ZC3H12A: variants seen among roughly 807,000 people sequenced by gnomAD.
ZC3H12A encodes the protein endoribonuclease ZC3H12A.
A neutral mutation model predicts 29.9 loss-of-function variants in ZC3H12A; 9 were observed. That is an observed-to-expected ratio of 0.30 (90% CI 0.18 to 0.53). ZC3H12A has a LOEUF of 0.53. Ranked by LOEUF, ZC3H12A falls within the 20% of genes least tolerant of loss-of-function variation. The pLI is 0.96. For missense variants in ZC3H12A, 617 were observed against 799.0 expected (o/e 0.77, Z 2.75); for synonymous variants, 323 against 338.1 (o/e 0.96, Z 0.49).
In ZC3H12A at chr1:37,479,798, C is replaced by T; in HGVS notation, c.444-492C>T. On this transcript the variant is annotated intron_variant, in intron 2 of 5. Coordinates refer to ENST00000373087, the MANE Select transcript of ZC3H12A (RefSeq NM_025079.3). The surrounding 1 kb of genome is among the most constrained non-coding windows in gnomAD (Gnocchi z 4.5). The stretch of plus-strand genomic sequence containing the variant: ...CAGCCGGTGCTTCCCCCGCCCCCAC[C>T]CACGCTGCAAGAGGCGAGGGAGGGG... 2.0e-6 allele frequency: 2 copies of T among 985,436 alleles called. No individual in the cohort carries two copies. The highest frequency in any genetic ancestry group is 2.4e-6 in the Non-Finnish European group (2 of 829,934). 61.0% of individuals were successfully genotyped at this position (985,436 alleles called of 1,614,324 possible). A position where few individuals can be genotyped will look rare whatever the true frequency, so the allele number is the denominator to read the frequency against.
Position 37,482,668 on chromosome 1 carries a change from C to T in ZC3H12A, c.926-69C>T. On this transcript the variant is annotated intron_variant, in intron 5 of 5. Coordinates refer to ENST00000373087, the MANE Select transcript of ZC3H12A (RefSeq NM_025079.3). ...CCACCCAACCCCGTTTCCTGTGCCA[C>T]CCCTTCCCTGCTCTCATCCCTGGTT... 3.7e-6 allele frequency: 6 copies of T among 1,611,496 alleles called. No homozygotes were observed. The South Asian group carries it at 5.5e-5, about 15-fold the overall frequency.
In ZC3H12A at chr1:37,476,199, T is replaced by G. The variant is rs560566776; in HGVS notation, c.443+260T>G. 2.0e-5 allele frequency among the ~76,000 whole-genome samples: 3 copies of G among 152,272 alleles called. No individual in the cohort carries two copies. Among genetic ancestry groups the G allele is most frequent in the African/African-American group, 7.2e-5 (3 of 41,564 alleles). The stretch of plus-strand genomic sequence containing the variant: ...GTGGGTCCCTCCCTGAGGCCAGCAC[T>G]GTGTCTCCACTCCTCTCCTGTAATG... On this transcript the variant is annotated intron_variant, in intron 2 of 5. Transcript: ENST00000373087. The surrounding 1 kb of genome is among the most constrained non-coding windows in gnomAD (Gnocchi z 6.0).
rs1641558683 is a variant in ZC3H12A at position 37,475,242 on chromosome 1, T to G, written c.-38-217T>G. ...TTCGAGCCACCAGCTAACAGCTGGA[T>G]GACCTTGAGCACGTTTTTAATGTCT... On this transcript the variant is annotated intron_variant, in intron 1 of 5. Transcript: ENST00000373087. This position sits in a 1 kb window ranked among gnomAD's most constrained non-coding sequence, Gnocchi z 5.2. 6.6e-6 allele frequency among the ~76,000 whole-genome samples: 1 copy of G among 152,264 alleles called. No individual in the cohort carries two copies. The highest frequency in any genetic ancestry group is 2.4e-5 in the African/African-American group (1 of 41,474).
In ZC3H12A at chr1:37,475,934, C is replaced by G; in HGVS notation, c.438C>G (p.Ala146=). The G allele has an allele frequency of 6.6e-7, 1 of 1,507,994 alleles. No individual in the cohort carries two copies. Among genetic ancestry groups the G allele is most frequent in the Non-Finnish European group, 8.8e-7 (1 of 1,135,054 alleles). The allele number at this position is 1,507,994 out of a possible 1,614,324, so 93.4% of individuals were successfully genotyped here. A position where few individuals can be genotyped will look rare whatever the true frequency, so the allele number is the denominator to read the frequency against. Residue 146 remains alanine, a synonymous_variant, in exon 2 of 6, where the codon GCC becomes GCG. Coordinates refer to ENST00000373087, the MANE Select transcript of ZC3H12A (RefSeq NM_025079.3). This position sits in a 1 kb window ranked among gnomAD's most constrained non-coding sequence, Gnocchi z 5.2. ...TGGTCATCGATGGGAGCAACGTGGC[C>G]ATGAGGTAAGTGTCACTTCTGTGGC... ...RPVVIDGSNV[A]MSHGNKEVFS...
At chr1:37,480,253 C>T in intron 2 of ZC3H12A, 37 bp from the exon 3 acceptor site, 1 of 1,595,238 alleles carries the variant, frequency 6.3e-7, no homozygotes, top group Non-Finnish European at 8.6e-7. Context: ...GGCAGGCTGG[C>T]CATCAGTGTG....
chr1:37,483,204 C>T lies in ZC3H12A; in HGVS notation c.1393C>T (p.Arg465Ter). ...AGGCCCTGGTGAGCCGGGCCCACCCCGAGCCCCTTACACGGGCTACAGTCC... is the reference window on the plus strand; with the variant it reads ...AGGCCCTGGTGAGCCGGGCCCACCCTGAGCCCCTTACACGGGCTACAGTCC... ...GGGPGEPGPP[R>*]APYTGYSPYG... The change falls in exon 6 of 6, where the codon CGA (arginine) becomes TGA (stop). Residue 465 changes from arginine to a stop codon, truncating the protein, a stop_gained. Transcript: ENST00000373087. LOFTEE classifies it low-confidence loss of function (END_TRUNC). 4 of 1,613,574 alleles carry T rather than the reference C, an allele frequency of 2.5e-6. No homozygotes were observed. The highest frequency in any genetic ancestry group is 3.4e-6 in the Non-Finnish European group (4 of 1,179,912).
At position 37,482,504 on chromosome 1, in the gene ZC3H12A, C is replaced by T. The variant is rs903647438; in HGVS notation, c.889C>T (p.Leu297Phe). 1.9e-6 allele frequency: 3 copies of T among 1,614,188 alleles called. No homozygotes were observed. The highest frequency in any genetic ancestry group is 2.5e-6 in the Non-Finnish European group (3 of 1,180,012). ...SLDNFLRKKP[L>F]TLEHRKQPCP... ...GGACAACTTCCTGCGTAAGAAGCCA[C>T]TCACTTTGGAGCACAGGAAGCAGCC... The change falls in exon 5 of 6, where the codon CTC becomes TTC. Residue 297 changes from leucine (L) to phenylalanine (F), a missense_variant. By Grantham distance (22) the Leu-to-Phe change is conservative. Around this residue, in one of 5 missense-constraint regions of ZC3H12A, gnomAD observed 255 missense variants for 402.5 expected, o/e 0.63. Transcript: ENST00000373087.
intron 2 of ZC3H12A, among the ~76,000 whole-genome samples, chr1:37,477,701 T>C (rs1158583317): frequency 6.6e-6 from 1 of 152,228 alleles, no homozygotes; most frequent in Non-Finnish European, 1.5e-5. Flanking sequence ...CAGTGTCTGC[T>C]TAGCCCGGCT....
At chr1:37,480,114 G>A in intron 2 of ZC3H12A, 176 bp from the exon 3 acceptor site, 6 of 1,339,056 alleles carry the variant, frequency 4.5e-6, no homozygotes, top group Non-Finnish European at 4.8e-6. Context: ...GAGGGCCAGG[G>A]CCTGAGCCCT....
chr1:37,479,703 C>T lies in ZC3H12A; in HGVS notation c.444-587C>T, dbSNP rs527373717. On this transcript the variant is annotated intron_variant, in intron 2 of 5. Coordinates refer to ENST00000373087, the MANE Select transcript of ZC3H12A (RefSeq NM_025079.3). The surrounding 1 kb of genome is among the most constrained non-coding windows in gnomAD (Gnocchi z 4.5). Reference sequence around the variant, plus strand: ...CCCCTTCCCCTTTGCCTTTCTCAGGCCCCAGTCCCTGAGGTGTGTGTGAGG... The same window carrying T: ...CCCCTTCCCCTTTGCCTTTCTCAGGTCCCAGTCCCTGAGGTGTGTGTGAGG... 1 of 985,296 alleles carries T rather than the reference C, an allele frequency of 1.0e-6. No individual in the cohort carries two copies. The highest frequency in any genetic ancestry group is 1.7e-5 in the African/African-American group (1 of 57,242). The allele number at this position is 985,296 out of a possible 1,614,324, so 61.0% of individuals were successfully genotyped here.
At position 37,475,324 on chromosome 1, in the gene ZC3H12A, T is replaced by G; in HGVS notation, c.-38-135T>G. The G allele has an allele frequency of 1.4e-6, 1 of 700,574 alleles. No individual in the cohort carries two copies. Among genetic ancestry groups the G allele is most frequent in the Non-Finnish European group, 2.4e-6 (1 of 425,338 alleles). The allele number at this position is 700,574 out of a possible 1,614,324, so 43.4% of individuals were successfully genotyped here. ...ATGGGAATGCCTAGCTGGGAGAGCTTTTGAGAGGACAACCTGAACTAATAA... is the reference window on the plus strand; with the variant it reads ...ATGGGAATGCCTAGCTGGGAGAGCTGTTGAGAGGACAACCTGAACTAATAA... On this transcript the variant is annotated intron_variant, in intron 1 of 5. Transcript: ENST00000373087. This position sits in a 1 kb window ranked among gnomAD's most constrained non-coding sequence, Gnocchi z 5.2.
At position 37,482,238 on chromosome 1, in the gene ZC3H12A, C is replaced by T. The variant is rs183901723; in HGVS notation, c.819-196C>T. The T allele has an allele frequency of 4.3e-4, 261 of 606,802 alleles. 2 individuals are homozygous for T. Among genetic ancestry groups the T allele is most frequent in the East Asian group, 4.2e-3 (154 of 36,360 alleles). 37.6% of individuals were successfully genotyped at this position (606,802 alleles called of 1,614,324 possible). A position where few individuals can be genotyped will look rare whatever the true frequency, so the allele number is the denominator to read the frequency against. ...CTAAAGGTGCCCATGGGCTGTGGCC[C>T]TCTAGACCGGGGATCCCTTTCTCCT... is the stretch of plus-strand genomic sequence containing the variant. On this transcript the variant is annotated intron_variant, in intron 4 of 5. Transcript: ENST00000373087.
chr1:37,474,858 C>T (rs1235503639), intron 1 of ZC3H12A, among the ~76,000 whole-genome samples: 1 of 152,158 alleles, frequency 6.6e-6, no homozygotes, highest in Non-Finnish European at 1.5e-5. Context: ...TGATCGGGAT[C>T]GCGGGCCGAG....
chr1:37,480,023 A>G, intron 2 of ZC3H12A: 1 of 1,188,502 alleles, frequency 8.4e-7, no homozygotes, highest in South Asian at 3.3e-5. Flanking sequence ...CCTCAGGGAA[A>G]GTCCCAGCGG....
In ZC3H12A at chr1:37,483,815, C is replaced by T; in HGVS notation, c.*204C>T. The T allele has an allele frequency of 1.5e-6, 1 of 648,248 alleles. No individual in the cohort carries two copies. Among genetic ancestry groups the T allele is most frequent in the Non-Finnish European group, 2.6e-6 (1 of 388,072 alleles). The allele number at this position is 648,248 out of a possible 1,614,324, so 40.2% of individuals were successfully genotyped here. ...ATGCAGCACCTCTAGCTGTCTGCCT[C>T]AGTGGGTCAGAAGCGATCACCCTGT... On this transcript the variant is annotated 3_prime_UTR_variant, in exon 6 of 6. Coordinates refer to ENST00000373087, the MANE Select transcript of ZC3H12A (RefSeq NM_025079.3).
Position 37,483,215 on chromosome 1 carries a change from C to T in ZC3H12A, c.1404C>T (p.Tyr468=). 6.2e-7 allele frequency: 1 copy of T among 1,613,734 alleles called. No individual in the cohort carries two copies. The highest frequency in any genetic ancestry group is 1.7e-5 in the Admixed American group (1 of 60,032). Residue 468 remains tyrosine (Y), a synonymous_variant, in exon 6 of 6, where the codon TAC becomes TAT. Transcript: ENST00000373087. ...AGCCGGGCCCACCCCGAGCCCCTTACACGGGCTACAGTCCCTATGGATCTG... is the reference window on the plus strand; with the variant it reads ...AGCCGGGCCCACCCCGAGCCCCTTATACGGGCTACAGTCCCTATGGATCTG... ...PGEPGPPRAP[Y]TGYSPYGSEL...
rs752770708 is a variant in ZC3H12A at position 37,483,408 on chromosome 1, G to A, written c.1597G>A (p.Val533Met). 6.2e-7 allele frequency: 1 copy of A among 1,614,046 alleles called. No homozygotes were observed. Among genetic ancestry groups the A allele is most frequent in the Non-Finnish European group, 8.5e-7 (1 of 1,179,964 alleles). ...PPTSVLQEPP[V>M]QSPGAGRSPW... ...CACATCAGTCCTTCAGGAGCCCCCA[G>A]TGCAGAGCCCAGGGGCTGGCAGGAG... The change falls in exon 6 of 6, where the codon GTG becomes ATG. Residue 533 changes from valine (V) to methionine (M), a missense_variant. Transcript: ENST00000373087.
At chr1:37,480,497 C>T in intron 3 of ZC3H12A, 68 bp downstream of exon 3, 9 of 1,553,220 alleles carry the variant, frequency 5.8e-6, no homozygotes, top group Non-Finnish European at 7.9e-6. Flanking sequence ...CCAAGAGAGA[C>T]CCTCTGGGAG....
rs143387516 is a variant in ZC3H12A at position 37,478,839 on chromosome 1, G to T, written c.444-1451G>T. On this transcript the variant is annotated intron_variant, in intron 2 of 5. Coordinates refer to ENST00000373087, the MANE Select transcript of ZC3H12A (RefSeq NM_025079.3). This position sits in a 1 kb window ranked among gnomAD's most constrained non-coding sequence, Gnocchi z 5.2. Reference sequence around the variant, plus strand: ...CCTGGTTCACAGCTCTCAGCAAATGGGAACTTTTATTATAAGCAGGCTGGC... The same window carrying T: ...CCTGGTTCACAGCTCTCAGCAAATGTGAACTTTTATTATAAGCAGGCTGGC... 324 of 985,334 alleles carry T rather than the reference G, an allele frequency of 3.3e-4. No individual in the cohort carries two copies. Among genetic ancestry groups the T allele is most frequent in the Non-Finnish European group, 3.6e-4 (302 of 829,908 alleles). The allele number at this position is 985,334 out of a possible 1,614,324, so 61.0% of individuals were successfully genotyped here.
Sources: gnomAD v4.1 joint callset for allele counts (sites outside exome capture counted in the v4.1 genomes callset) on GRCh38, gnomAD v4.1.1 for gene constraint, gnomAD v4.1.1 regional missense constraint, Gnocchi (gnomAD v3.1) non-coding constraint, MANE v1.5 for transcripts, NCBI Gene and HGNC (gene_info 2026-07-23, HGNC 2026-07-21) for gene names.